Variants in GPC6 observed in about 807,000 individuals in gnomAD.
GPC6 encodes the protein glypican 6.
In GPC6, 14 loss-of-function variants were observed where a neutral mutation model predicts 55.2. The observed-to-expected ratio is 0.25, with a 90% CI of 0.17 to 0.40. The LOEUF is 0.40. Among genes scored for constraint, GPC6 ranks in the 10% least tolerant of loss-of-function variants. GPC6 has a pLI of 1.00. For missense variants in GPC6, 641 were observed against 708.5 expected, an observed-to-expected ratio of 0.90 and a Z score of 1.08; for synonymous variants, 278 against 259.6, an observed-to-expected ratio of 1.07 and a Z score of -0.68.
chr13:93,970,687 G>T (rs1174993397), intron 3 of GPC6, among the ~76,000 whole-genome samples: 1 of 152,126 alleles, frequency 6.6e-6, no homozygotes, highest in Non-Finnish European at 1.5e-5. Context: ...AATTGCAAAA[G>T]CTCCTTAAAT....
At chr13:94,071,499 AG>A (rs1483065337) in intron 4 of GPC6, among the ~76,000 whole-genome samples, 6 of 152,204 alleles carry the variant, frequency 3.9e-5, no homozygotes, top group Non-Finnish European at 8.8e-5. Flanking sequence ...CCTGGCTTAA[AG>A]AAAATTATTC....
intron 1 of GPC6, among the ~76,000 whole-genome samples, chr13:93,239,569 CT>C (rs1276687450): frequency 6.6e-6 from 1 of 151,516 alleles, no homozygotes; most frequent in African/African-American, 2.4e-5. Flanking sequence ...TCAATTTTAT[CT>C]TTTCGAAGAA....
At chr13:93,362,189 C>T (rs1482854260) in intron 1 of GPC6, among the ~76,000 whole-genome samples, 1 of 152,160 alleles carries the variant, frequency 6.6e-6, no homozygotes, top group African/African-American at 2.4e-5. Flanking sequence ...GCTGTGCAAG[C>T]TCAGTGGAAG....
intron 3 of GPC6, among the ~76,000 whole-genome samples, chr13:93,850,674 G>T (rs1289074255): frequency 6.6e-6 from 1 of 151,898 alleles, no homozygotes; most frequent in East Asian, 1.9e-4. Context: ...TAACATAGGA[G>T]AAAATGTAAA....
At chr13:93,723,733 A>G (rs143168662) in intron 2 of GPC6, among the ~76,000 whole-genome samples, 1 of 151,964 alleles carries the variant, frequency 6.6e-6, no homozygotes, top group African/African-American at 2.4e-5. Flanking sequence ...TTTTATTCCA[A>G]CCAGATTTCA....
intron 4 of GPC6, among the ~76,000 whole-genome samples, chr13:94,191,848 G>T (rs531906832): frequency 6.6e-6 from 1 of 152,114 alleles, no homozygotes; most frequent in Non-Finnish European, 1.5e-5. Flanking sequence ...GAAAACATTA[G>T]AGAGCCAAAC....
intron 4 of GPC6, among the ~76,000 whole-genome samples, chr13:94,047,510 GA>G (rs1025742220): frequency 2.0e-5 from 3 of 150,386 alleles, no homozygotes; most frequent in South Asian, 2.1e-4. Context: ...AAGTATGGAA[GA>G]AAAAAAAAGA....
chr13:93,360,045 T>C (rs9301872), intron 1 of GPC6, among the ~76,000 whole-genome samples: 52,597 of 151,658 alleles, frequency 0.35, 10,748 homozygotes, highest in East Asian at 0.79. Flanking sequence ...AAGGGGAAAC[T>C]CAGGAACATG....
In GPC6 at chr13:93,256,148, C is replaced by T. The variant is rs374466456; in HGVS notation, c.160+28532C>T. On this transcript the variant is annotated intron_variant, in intron 1 of 8. Coordinates refer to ENST00000377047, the MANE Select transcript of GPC6 (RefSeq NM_005708.5). Reference sequence around the variant, plus strand: ...TTACCCCACTGTACTCCAGCCTGGGCGACAGAGTGAGACTCCATCTCAAAA... The same window carrying T: ...TTACCCCACTGTACTCCAGCCTGGGTGACAGAGTGAGACTCCATCTCAAAA... Among the ~76,000 whole-genome samples, 59 of 131,780 alleles carry T rather than the reference C, an allele frequency of 4.5e-4. No homozygotes were observed. In the East Asian group the frequency reaches 0.01, roughly 23 times the overall value. The allele number at this position is 131,780 out of a possible 152,430, so 86.5% of individuals were successfully genotyped here. A position where few individuals can be genotyped will look rare whatever the true frequency, so the allele number is the denominator to read the frequency against.
intron 1 of GPC6, among the ~76,000 whole-genome samples, chr13:93,355,987 G>A (rs984637057): frequency 6.6e-6 from 1 of 152,122 alleles, no homozygotes; most frequent in Non-Finnish European, 1.5e-5. Flanking sequence ...AGAGAATGGT[G>A]GTGTCTTAGC....
intron 2 of GPC6, among the ~76,000 whole-genome samples, chr13:93,668,751 C>T (rs1028256112): frequency 1.3e-5 from 2 of 152,166 alleles, no homozygotes; most frequent in Non-Finnish European, 1.5e-5. Flanking sequence ...CTTGCCTACC[C>T]TGATCTTTTG....
intron 1 of GPC6, among the ~76,000 whole-genome samples, chr13:93,301,616 G>A (rs1030301764): frequency 6.6e-6 from 1 of 152,176 alleles, no homozygotes; most frequent in Non-Finnish European, 1.5e-5. Flanking sequence ...ATACTCCAGT[G>A]CCCATTTGAT....
intron 4 of GPC6, among the ~76,000 whole-genome samples, chr13:94,145,138 T>TGGAC (rs889758892): frequency 3.4e-4 from 3 of 8,836 alleles, no homozygotes; most frequent in African/African-American, 2.4e-3. Context: ...GATGGATGGG[T>TGGAC]GGATGGATGG....
At chr13:93,381,923 T>C (rs117952029) in intron 1 of GPC6, among the ~76,000 whole-genome samples, 1,689 of 152,258 alleles carry the variant, frequency 0.011, 21 homozygotes, top group Non-Finnish European at 0.013. Context: ...TCATTTAAAG[T>C]ATGTTACTTT....
intron 4 of GPC6, among the ~76,000 whole-genome samples, chr13:94,194,029 T>C (rs1460940077): frequency 6.6e-6 from 1 of 152,168 alleles, no homozygotes; most frequent in African/African-American, 2.4e-5. Context: ...TATGATTACT[T>C]TGATGTATGG....
chr13:93,982,572 T>C (rs1275667876), intron 3 of GPC6, among the ~76,000 whole-genome samples: 10 of 152,200 alleles, frequency 6.6e-5, no homozygotes, highest in Admixed American at 4.6e-4. Context: ...GAATCAATCT[T>C]GTTCGAATTT....
At chr13:93,336,593 A>C (rs1880052873) in intron 1 of GPC6, among the ~76,000 whole-genome samples, 1 of 152,182 alleles carries the variant, frequency 6.6e-6, no homozygotes, top group Non-Finnish European at 1.5e-5. Flanking sequence ...ATTTGTAGGA[A>C]GCGTTGTTTT....
intron 1 of GPC6, among the ~76,000 whole-genome samples, chr13:93,530,579 G>A (rs760060290): frequency 7.2e-5 from 11 of 152,054 alleles, no homozygotes; most frequent in Non-Finnish European, 1.2e-4. Flanking sequence ...CCGAGGAGTG[G>A]CATGCTAGAA....
chr13:93,773,484 C>T (rs1158716844), intron 2 of GPC6, among the ~76,000 whole-genome samples: 4 of 151,950 alleles, frequency 2.6e-5, no homozygotes, highest in Non-Finnish European at 5.9e-5. Context: ...CTTACGTACC[C>T]CAAAATCTTT....
Sources: allele counts gnomAD v4.1 joint callset (sites outside exome capture counted in the v4.1 genomes callset), GRCh38; gene constraint gnomAD v4.1.1; transcripts MANE v1.5; gene names NCBI Gene and HGNC (gene_info 2026-07-23, HGNC 2026-07-21).